ANGPT2: variants seen among roughly 807,000 people sequenced by gnomAD.
ANGPT2 encodes the protein angiopoietin 2.
ANGPT2 carries 28 observed loss-of-function variants against 62.9 expected under a neutral mutation model. The ratio of observed to expected loss-of-function variants is 0.44; its 90% CI spans 0.33 to 0.61. The LOEUF (loss-of-function observed/expected upper bound fraction) is 0.61, where lower values mean the gene tolerates loss of function less well. Ranked by LOEUF, ANGPT2 falls within the 20% of genes least tolerant of loss-of-function variation. ANGPT2 has a pLI of 0.03. For missense variants in ANGPT2, 727 were observed against 594.9 expected, an observed-to-expected ratio of 1.22 and a Z score of -2.31; for synonymous variants, 284 against 207.8, an observed-to-expected ratio of 1.37 and a Z score of -3.15.
intron 1 of ANGPT2, among the ~76,000 whole-genome samples, chr8:6,534,127 A>T (rs148338625): frequency 6.6e-6 from 1 of 152,330 alleles, no homozygotes; most frequent in African/African-American, 2.4e-5. Context: ...TCAGATGAGC[A>T]GGATGCATGA....
chr8:6,538,084 A>G (rs540792540), intron 1 of ANGPT2, among the ~76,000 whole-genome samples: 1 of 152,124 alleles, frequency 6.6e-6, no homozygotes, highest in Non-Finnish European at 1.5e-5. Flanking sequence ...GGATTTTGCA[A>G]CCATCTCTCA....
chr8:6,521,442 G>C (rs768438205), intron 3 of ANGPT2, 32 bp from the exon 4 acceptor site: 5 of 1,428,342 alleles, frequency 3.5e-6, no homozygotes, highest in Non-Finnish European at 4.8e-6. Context: ...AGTTAGTGAA[G>C]GCTATTCTAA....
At chr8:6,539,759 G>A (rs1350175738) in intron 1 of ANGPT2, among the ~76,000 whole-genome samples, 2 of 152,106 alleles carry the variant, frequency 1.3e-5, no homozygotes, top group Non-Finnish European at 2.9e-5. Flanking sequence ...GGAAATTTTT[G>A]TATTTTTAAT....
Position 6,532,488 on chromosome 8 carries a change from C to A in ANGPT2, c.289-1G>T. 6.2e-7 allele frequency: 1 copy of A among 1,609,130 alleles called. No homozygotes were observed. The highest frequency in any genetic ancestry group is 8.5e-7 in the Non-Finnish European group (1 of 1,178,294). On this transcript the variant is annotated splice_acceptor_variant, in intron 1 of 8. Coordinates refer to ENST00000629816, the MANE Select transcript of ANGPT2 (RefSeq NM_001118887.2). LOFTEE classifies it high-confidence loss of function. ...TGTTGTCCTGGATATAATTCTCAAG[C>A]TAGAAAAGAACAGTGTTAGAAGGCA...
In ANGPT2 at chr8:6,501,983, AT is replaced by A. The variant is rs1402858808; in HGVS notation, c.*1117del. The A allele has an allele frequency of 4.8e-5, 7 of 145,706 alleles. No homozygotes were observed. Among genetic ancestry groups the A allele is most frequent in the African/African-American group, 7.7e-5 (3 of 39,150 alleles). The allele number at this position is 145,706 out of a possible 1,614,324, so 9.0% of individuals were successfully genotyped here. ...ATAAAAAAACTTACTAGTGTCAATT[AT>A]TTTTTTCCTTAAGTAAATTTAAGGG... is the stretch of plus-strand genomic sequence containing the variant. On this transcript the variant is annotated 3_prime_UTR_variant, in exon 9 of 9. Coordinates refer to ENST00000629816, the MANE Select transcript of ANGPT2 (RefSeq NM_001118887.2).
chr8:6,523,520 G>T (rs553609021), intron 3 of ANGPT2, among the ~76,000 whole-genome samples: 22 of 152,282 alleles, frequency 1.4e-4, no homozygotes, highest in African/African-American at 4.8e-4. Context: ...ATGTATTTGA[G>T]AATGTTAACT....
intron 1 of ANGPT2, among the ~76,000 whole-genome samples, chr8:6,548,338 C>G (rs940172538): frequency 2.6e-5 from 4 of 152,196 alleles, no homozygotes; most frequent in African/African-American, 7.2e-5. Flanking sequence ...TCCCCTGCCA[C>G]TTAGATGCCT....
intron 1 of ANGPT2, among the ~76,000 whole-genome samples, chr8:6,557,935 TC>T (rs1278606765): frequency 3.3e-5 from 5 of 152,142 alleles, no homozygotes; most frequent in Admixed American, 3.3e-4. Flanking sequence ...CCACCTCCTT[TC>T]TTCCCTGTCA....
At chr8:6,506,614 C>T (rs1289658900) in intron 8 of ANGPT2, among the ~76,000 whole-genome samples, 2 of 152,102 alleles carry the variant, frequency 1.3e-5, no homozygotes, top group African/African-American at 4.8e-5. Context: ...GACCCTTTCC[C>T]TGCTGTTCAG....
chr8:6,540,814 C>CG (rs1330328570), intron 1 of ANGPT2, among the ~76,000 whole-genome samples: 1 of 152,236 alleles, frequency 6.6e-6, no homozygotes, highest in Non-Finnish European at 1.5e-5. Context: ...CGAACAGGCG[C>CG]GGGAGGCAGG....
intron 1 of ANGPT2, among the ~76,000 whole-genome samples, chr8:6,533,822 A>G (rs538299794): frequency 1.3e-5 from 2 of 152,138 alleles, no homozygotes; most frequent in Non-Finnish European, 2.9e-5. Context: ...ATTTCCCCCA[A>G]AATGTTAACC....
chr8:6,540,807 A>G (rs1284135081), intron 1 of ANGPT2, among the ~76,000 whole-genome samples: 1 of 152,260 alleles, frequency 6.6e-6, no homozygotes, highest in African/African-American at 2.4e-5. Context: ...GCCATGCCGA[A>G]CAGGCGCGGG....
chr8:6,548,247 C>G (rs1822967314), intron 1 of ANGPT2, among the ~76,000 whole-genome samples: 1 of 152,120 alleles, frequency 6.6e-6, no homozygotes, highest in African/African-American at 2.4e-5. Context: ...GTCCAAAATG[C>G]CTTTCCTGCA....
Position 6,503,052 on chromosome 8 carries a change from T to G in ANGPT2, c.*49A>C. On this transcript the variant is annotated 3_prime_UTR_variant, in exon 9 of 9. Coordinates refer to ENST00000629816, the MANE Select transcript of ANGPT2 (RefSeq NM_001118887.2). ...GCCGTGACTTTCAGTGCACTGGGCT[T>G]AAGTCTTTGAAAATAGTTCGAGACA... 6.2e-7 allele frequency: 1 copy of G among 1,607,984 alleles called. No homozygotes were observed. The highest frequency in any genetic ancestry group is 8.5e-7 in the Non-Finnish European group (1 of 1,176,462).
chr8:6,505,193 C>CTTATGTATGTATAGAATATATATATATTA (rs1813064047), intron 8 of ANGPT2, among the ~76,000 whole-genome samples: 1 of 126,186 alleles, frequency 7.9e-6, no homozygotes, highest in Non-Finnish European at 1.6e-5. Context: ...TATATATATT[C>CTTATGTATGTATAGAATATATATATATTA]TTATGTATAT....
Position 6,562,940 on chromosome 8 carries a change from C to G in ANGPT2, c.-6G>C. On this transcript the variant is annotated 5_prime_UTR_variant, in exon 1 of 9. Transcript: ENST00000629816. ...AAGAAAACAATCTGCCACATTCTTTCTTCAGTAATAAACCAGCAGCTTAGC... is the reference window on the plus strand; with the variant it reads ...AAGAAAACAATCTGCCACATTCTTTGTTCAGTAATAAACCAGCAGCTTAGC... The G allele has an allele frequency of 6.3e-7, 1 of 1,577,932 alleles. No individual in the cohort carries two copies. The highest frequency in any genetic ancestry group is 1.3e-5 in the African/African-American group (1 of 74,484).
At chr8:6,551,114 C>A (rs1405064761) in intron 1 of ANGPT2, among the ~76,000 whole-genome samples, 1 of 152,188 alleles carries the variant, frequency 6.6e-6, no homozygotes, top group African/African-American at 2.4e-5. Flanking sequence ...GGCTCCTGGG[C>A]CCCTGACTCG....
chr8:6,525,080 CA>C (rs1231853552), intron 3 of ANGPT2, among the ~76,000 whole-genome samples: 1 of 152,240 alleles, frequency 6.6e-6, no homozygotes, highest in Non-Finnish European at 1.5e-5. Flanking sequence ...CTGGTAAATC[CA>C]CCTTTTTTTG....
intron 3 of ANGPT2, among the ~76,000 whole-genome samples, chr8:6,523,569 G>A (rs1041098087): frequency 7.9e-5 from 12 of 151,866 alleles, no homozygotes; most frequent in Non-Finnish European, 1.3e-4. Flanking sequence ...CACAGTCAAG[G>A]TATTTGGCAG....
Sources: gnomAD v4.1 joint callset for allele counts (sites outside exome capture counted in the v4.1 genomes callset) on GRCh38, gnomAD v4.1.1 for gene constraint, MANE v1.5 for transcripts, NCBI Gene and HGNC (gene_info 2026-07-23, HGNC 2026-07-21) for gene names.